UBE4A: variants seen among roughly 807,000 people sequenced by gnomAD.
The protein encoded by UBE4A is ubiquitination factor E4A.
UBE4A carries 48 observed loss-of-function variants against 117.9 expected under a neutral mutation model. The ratio of observed to expected loss-of-function variants is 0.41; its 90% CI spans 0.32 to 0.52. The LOEUF is 0.52. Among genes scored for constraint, UBE4A ranks in the 20% least tolerant of loss-of-function variants. The probability of loss-of-function intolerance (pLI) is 0.33; values close to 1 mark genes in which losing one functional copy is unlikely to be tolerated. For missense variants in UBE4A, 1,067 were observed against 1,296.3 expected (o/e 0.82, Z 2.72); for synonymous variants, 407 against 450.0 (o/e 0.90, Z 1.21).
In UBE4A at chr11:118,399,206, T is replaced by G; in HGVS notation, c.*2766T>G. ...TGTATTTAATAAATGAACATCTGAC[T>G]TACAACCTTTGTTATCACTTTATTC... On this transcript the variant is annotated 3_prime_UTR_variant, in exon 20 of 20. Transcript: ENST00000252108. The G allele has an allele frequency of 2.8e-6, 1 of 359,878 alleles. No individual in the cohort carries two copies. Among genetic ancestry groups the G allele is most frequent in the South Asian group, 2.0e-5 (1 of 49,122 alleles). 22.3% of individuals were successfully genotyped at this position (359,878 alleles called of 1,614,324 possible). A position where few individuals can be genotyped will look rare whatever the true frequency, so the allele number is the denominator to read the frequency against.
Position 118,373,525 on chromosome 11 carries a change from C to T in UBE4A, c.956C>T (p.Pro319Leu), listed in dbSNP as rs776366628. 6.2e-7 allele frequency: 1 copy of T among 1,614,112 alleles called. No individual in the cohort carries two copies. Among genetic ancestry groups the T allele is most frequent in the South Asian group, 1.1e-5 (1 of 91,070 alleles). ...VFVEYIQPKDPTNGQMYQKTL... is the reference protein window; with the variant it reads ...VFVEYIQPKDLTNGQMYQKTL... ...GTAGAATACATTCAGCCCAAGGACC[C>T]TACCAATGGGCAAATGTACCAGAAG... Residue 319 changes from proline (P) to leucine (L), a missense_variant, in exon 8 of 20, where the codon CCT (proline) becomes CTT (leucine). This residue lies in a region of UBE4A where 1,001 missense variants were observed against 1,184.0 expected (regional missense o/e 0.85). Coordinates refer to ENST00000252108, the MANE Select transcript of UBE4A (RefSeq NM_001204077.2).
intron 19 of UBE4A, 96 bp downstream of exon 19, chr11:118,392,991 A>T: frequency 1.7e-6 from 2 of 1,186,920 alleles, no homozygotes; most frequent in Non-Finnish European, 2.3e-6. Context: ...TGCACCCAAC[A>T]CATACCACAT....
chr11:118,375,340 C>A, intron 9 of UBE4A, 111 bp downstream of exon 9: 1 of 1,096,972 alleles, frequency 9.1e-7, no homozygotes. Context: ...AAAGATGAGG[C>A]AGAAACGAGC....
chr11:118,388,144 T>C (rs955187441), intron 16 of UBE4A, among the ~76,000 whole-genome samples: 15 of 152,144 alleles, frequency 9.9e-5, no homozygotes, highest in African/African-American at 3.6e-4. Context: ...ATTTACATAA[T>C]CTTAATAACA....
At chr11:118,393,546 G>A (rs1236311960) in intron 19 of UBE4A, among the ~76,000 whole-genome samples, 2 of 151,450 alleles carry the variant, frequency 1.3e-5, no homozygotes, top group African/African-American at 2.4e-5. Context: ...CGATCCAACC[G>A]CCTCAGCCTC....
chr11:118,385,596 C>T (rs541649276), intron 15 of UBE4A, among the ~76,000 whole-genome samples: 1 of 152,166 alleles, frequency 6.6e-6, no homozygotes, highest in Admixed American at 6.6e-5. Flanking sequence ...CTTACTTCTC[C>T]CATAAAAACT....
intron 7 of UBE4A, 102 bp downstream of exon 7, chr11:118,373,390 A>T: frequency 6.6e-7 from 1 of 1,525,046 alleles, no homozygotes; most frequent in South Asian, 1.3e-5. Context: ...AATAAGAAAA[A>T]GATAGCTTGG....
chr11:118,369,612 A>T lies in UBE4A; in HGVS notation c.408+77A>T, dbSNP rs546134584. 9.1e-6 allele frequency: 10 copies of T among 1,095,244 alleles called. No individual in the cohort carries two copies. In the African/African-American group the frequency reaches 9.4e-5, roughly 10 times the overall value. 67.8% of individuals were successfully genotyped at this position (1,095,244 alleles called of 1,614,324 possible). ...GCTGAATTCTGCTCACTGTTCTCCA[A>T]CTTATGCTTGTGTCCATATGTCCAT... On this transcript the variant is annotated intron_variant, in intron 4 of 19. Coordinates refer to ENST00000252108, the MANE Select transcript of UBE4A (RefSeq NM_001204077.2).
Position 118,390,808 on chromosome 11 carries a change from AGGAAGAG to A in UBE4A, c.2916+6_2916+12del, listed in dbSNP as rs782395520. 11 of 1,609,400 alleles carry A rather than the reference AGGAAGAG, an allele frequency of 6.8e-6. No individual in the cohort carries two copies. Among genetic ancestry groups the A allele is most frequent in the Non-Finnish European group, 7.6e-6 (9 of 1,177,242 alleles). On this transcript the variant is annotated splice_donor_5th_base_variant and intron_variant, in intron 18 of 19. Transcript: ENST00000252108. ...CAACTTGGCAGAGAGAATCAAGGTG[AGGAAGAG>A]GAGGAATTGTTTGCTGATTTCATTA...
At position 118,397,224 on chromosome 11, in the gene UBE4A, G is replaced by A. The variant is rs1289449930; in HGVS notation, c.*784G>A. The A allele has an allele frequency of 6.6e-6, 1 of 152,104 alleles. No individual in the cohort carries two copies. The highest frequency in any genetic ancestry group is 1.5e-5 in the Non-Finnish European group (1 of 68,020). 9.4% of individuals were successfully genotyped at this position (152,104 alleles called of 1,614,324 possible). ...TTTAGGCAACGGGTATCATATCCATGAAAAATGTCATTTTAAGACACTAAT... is the reference window on the plus strand; with the variant it reads ...TTTAGGCAACGGGTATCATATCCATAAAAAATGTCATTTTAAGACACTAAT... On this transcript the variant is annotated 3_prime_UTR_variant, in exon 20 of 20. Transcript: ENST00000252108.
chr11:118,374,409 G>A (rs553418486), intron 8 of UBE4A, among the ~76,000 whole-genome samples: 19 of 152,212 alleles, frequency 1.2e-4, no homozygotes, highest in Non-Finnish European at 2.4e-4. Context: ...TTGAATTGGG[G>A]ATAGTTTAAG....
rs138682731 is a variant in UBE4A at position 118,369,727 on chromosome 11, A to T, written c.408+192A>T. On this transcript the variant is annotated intron_variant, in intron 4 of 19. Coordinates refer to ENST00000252108, the MANE Select transcript of UBE4A (RefSeq NM_001204077.2). ...TAACATTGTGGTGTTCCTCTTTTGG[A>T]ATCTTTTCATCTACCATGGCCACAT... 4.1e-3 allele frequency among the ~76,000 whole-genome samples: 620 copies of T among 150,916 alleles called. 1 individual carries two copies. The highest frequency in any genetic ancestry group is 0.014 in the Middle Eastern group (4 of 294).
rs576891567 is a variant in UBE4A, at chr11:118,361,081, A to G, written c.-42+1407A>G. ...CTCTGCTCTGGAGTGCAGTGGCACGATCTCAGCTCACGGCAACCTCCATCT... is the reference window on the plus strand; with the variant it reads ...CTCTGCTCTGGAGTGCAGTGGCACGGTCTCAGCTCACGGCAACCTCCATCT... On this transcript the variant is annotated intron_variant, in intron 1 of 19. Transcript: ENST00000252108. Among the ~76,000 whole-genome samples, 3 of 146,140 alleles carry G rather than the reference A, an allele frequency of 2.1e-5. No individual in the cohort carries two copies. In the East Asian group the frequency reaches 6.1e-4, roughly 30 times the overall value.
At chr11:118,393,185 G>A (rs976754837) in intron 19 of UBE4A, among the ~76,000 whole-genome samples, 1 of 152,148 alleles carries the variant, frequency 6.6e-6, no homozygotes, top group East Asian at 1.9e-4. Flanking sequence ...GGGAGGCCGA[G>A]GCAGGTGGAT....
At chr11:118,363,606 CTTT>C (rs199847839) in intron 1 of UBE4A, among the ~76,000 whole-genome samples, 7 of 122,842 alleles carry the variant, frequency 5.7e-5, no homozygotes, top group Non-Finnish European at 6.7e-5. Context: ...ACCACATTAG[CTTT>C]TTTTTTTTTT....
Position 118,375,123 on chromosome 11 carries a change from A to G in UBE4A, c.1344A>G (p.Pro448=), listed in dbSNP as rs201974323. 5.6e-6 allele frequency: 9 copies of G among 1,614,032 alleles called. No individual in the cohort carries two copies. Among genetic ancestry groups the G allele is most frequent in the Non-Finnish European group, 5.1e-6 (6 of 1,180,030 alleles). ...LGAALLKLCQ[P]FCKPRSSRLL... is the part of the protein sequence containing the mutation. ...CTGCTCTCCTGAAGCTATGCCAGCC[A>G]TTTTGCAAACCCAGATCCTCTCGGC... The change falls in exon 9 of 20, where the codon CCA becomes CCG. Residue 448 remains proline (P), a synonymous_variant. Coordinates refer to ENST00000252108, the MANE Select transcript of UBE4A (RefSeq NM_001204077.2).
Position 118,359,624 on chromosome 11 carries a change from T to A in UBE4A, c.-92T>A, listed in dbSNP as rs1948503650. 1.3e-5 allele frequency: 2 copies of A among 152,264 alleles called. No homozygotes were observed. Among genetic ancestry groups the A allele is most frequent in the African/African-American group, 2.4e-5 (1 of 41,464 alleles). 9.4% of individuals were successfully genotyped at this position (152,264 alleles called of 1,614,324 possible). A position where few individuals can be genotyped will look rare whatever the true frequency, so the allele number is the denominator to read the frequency against. On this transcript the variant is annotated 5_prime_UTR_variant, in exon 1 of 20. Transcript: ENST00000252108. ...TGTGCTGAGTCGGAAGTGGGAACCC[T>A]TCGGCCGCTGAGATTCTGTCGTGTC...
At chr11:118,382,831 T>G (rs1298025731) in intron 13 of UBE4A, 55 bp downstream of exon 13, 20 of 1,431,904 alleles carry the variant, frequency 1.4e-5, no homozygotes, top group Non-Finnish European at 1.9e-5. Context: ...CAGTGGAGTT[T>G]CATAGTTTGA....
chr11:118,377,241 C>G (rs1948661017), intron 10 of UBE4A, among the ~76,000 whole-genome samples: 1 of 152,104 alleles, frequency 6.6e-6, no homozygotes, highest in Non-Finnish European at 1.5e-5. Flanking sequence ...GATTTTCGCT[C>G]TTGTCACCTT....
Sources: allele counts gnomAD v4.1 joint callset (sites outside exome capture counted in the v4.1 genomes callset), GRCh38; gene constraint gnomAD v4.1.1; regional missense constraint gnomAD v4.1.1; transcripts MANE v1.5; gene names NCBI Gene and HGNC (gene_info 2026-07-23, HGNC 2026-07-21).